VMA21: variants seen among roughly 807,000 people sequenced by gnomAD.
VMA21 encodes the protein vacuolar ATPase assembly integral membrane protein VMA21.
For missense variants in VMA21, 61 were observed against 80.6 expected, an observed-to-expected ratio of 0.76 and a Z score of 0.93; for synonymous variants, 47 against 34.1, an observed-to-expected ratio of 1.38 and a Z score of -1.32.
chrX:151,397,934 G>A (rs2011206813), intron 1 of VMA21, among the ~76,000 whole-genome samples: 1 of 111,523 alleles, frequency 9.0e-6, no homozygotes, highest in Non-Finnish European at 1.9e-5. Context: ...CCTACTGTAT[G>A]CCAGGCTCAG....
At chrX:151,396,789 A>T, upstream of VMA21, 1 of 472,241 alleles carries the variant, frequency 2.1e-6, no homozygotes, top group African/African-American at 2.4e-5. Context: ...GAATACGCTC[A>T]GTTGCCTAGC....
rs949128026 is a variant in VMA21 at position 151,400,840 on chromosome X, GTCTT to G, written c.54-2789_54-2786del. Reference sequence around the variant, plus strand: ...TCATTTATCTCTTGGCCATTTTTATGTCTTTGGAGAAATGTCTGTCCAGCTGTTG... The same window carrying G: ...TCATTTATCTCTTGGCCATTTTTATGTGGAGAAATGTCTGTCCAGCTGTTG... On this transcript the variant is annotated intron_variant, in intron 1 of 2. Coordinates refer to ENST00000330374, the MANE Select transcript of VMA21 (RefSeq NM_001017980.4). 3.6e-5 allele frequency among the ~76,000 whole-genome samples: 4 copies of G among 112,306 alleles called. No individual in the cohort carries two copies. In the Admixed American group the frequency reaches 3.8e-4, roughly 11 times the overall value.
chrX:151,398,658 G>A (rs750029857), intron 1 of VMA21, among the ~76,000 whole-genome samples: 48 of 111,073 alleles, frequency 4.3e-4, no homozygotes, highest in Non-Finnish European at 8.3e-4. Flanking sequence ...TACACTTACA[G>A]CATAGTCCTT....
At chrX:151,396,737 T>C (rs1320268682), upstream of VMA21, 2 of 430,788 alleles carry the variant, frequency 4.6e-6, no homozygotes, top group African/African-American at 5.0e-5. Flanking sequence ...GCTCAAGTAG[T>C]GGCGAAATAA....
chrX:151,398,260 C>G (rs2011209911), intron 1 of VMA21, among the ~76,000 whole-genome samples: 1 of 104,254 alleles, frequency 9.6e-6, no homozygotes, highest in African/African-American at 3.6e-5. Context: ...AACTGCATGT[C>G]ACGGGGGCTT....
At chrX:151,402,559 A>G (rs1004223397) in intron 1 of VMA21, among the ~76,000 whole-genome samples, 2 of 112,912 alleles carry the variant, frequency 1.8e-5, no homozygotes, top group East Asian at 5.6e-4. Flanking sequence ...GTTGTCCTGT[A>G]GTTTTCTTGC....
rs1174836664 is a variant in VMA21, at chrX:151,408,400, G to A, written c.*3342G>A. On this transcript the variant is annotated 3_prime_UTR_variant, in exon 3 of 3. Transcript: ENST00000330374. The stretch of plus-strand genomic sequence containing the variant: ...AAGTACATAAAAAGGATTTAAATCC[G>A]ATTTTAGATGTACCTAGTGTGTATT... 8.9e-6 allele frequency: 1 copy of A among 112,081 alleles called. No individual in the cohort carries two copies. Among genetic ancestry groups the A allele is most frequent in the African/African-American group, 3.2e-5 (1 of 30,893 alleles). 9.2% of individuals were successfully genotyped at this position (112,081 alleles called of 1,213,427 possible). A position where few individuals can be genotyped will look rare whatever the true frequency, so the allele number is the denominator to read the frequency against.
chrX:151,399,456 C>CTT (rs1278020126), intron 1 of VMA21, among the ~76,000 whole-genome samples: 3 of 112,193 alleles, frequency 2.7e-5, no homozygotes, highest in African/African-American at 9.7e-5. Context: ...CTTTCTGTTC[C>CTT]TTTAACAAGT....
At chrX:151,397,448 G>A in intron 1 of VMA21, 87 bp downstream of exon 1, 1 of 1,055,504 alleles carries the variant, frequency 9.5e-7, no homozygotes, top group Non-Finnish European at 1.3e-6. Context: ...GAATGGGTGG[G>A]CGTGAGGTCT....
At chrX:151,398,527 T>C (rs2011212778) in intron 1 of VMA21, among the ~76,000 whole-genome samples, 1 of 111,753 alleles carries the variant, frequency 8.9e-6, no homozygotes, top group African/African-American at 3.3e-5. Flanking sequence ...CATGATCTCA[T>C]TCTTTTTTAT....
In VMA21 at chrX:151,401,216, A is replaced by T. The variant is rs2011234350; in HGVS notation, c.54-2415A>T. On this transcript the variant is annotated intron_variant, in intron 1 of 2. Coordinates refer to ENST00000330374, the MANE Select transcript of VMA21 (RefSeq NM_001017980.4). ...TTGGGTTGATTTTTGTTTATGGTGT[A>T]AGAGTCCAGTTTTTTTCTTTGCATG... Among the ~76,000 whole-genome samples, 4 of 111,562 alleles carry T rather than the reference A, an allele frequency of 3.6e-5. No individual in the cohort carries two copies. The South Asian group carries it at 1.5e-3, about 42-fold the overall frequency.
At chrX:151,403,468 C>T (rs1348085889) in intron 1 of VMA21, among the ~76,000 whole-genome samples, 163 bp from the exon 2 acceptor site, 1 of 112,832 alleles carries the variant, frequency 8.9e-6, no homozygotes, top group Non-Finnish European at 1.9e-5. Context: ...GAAATTCCCA[C>T]TACCCACAGC....
intron 2 of VMA21, 73 bp from the exon 3 acceptor site, chrX:151,404,843 A>T: frequency 9.1e-7 from 1 of 1,097,217 alleles, no homozygotes; most frequent in Non-Finnish European, 1.2e-6. Context: ...AAAAATTAGG[A>T]TGCTTTGTTT....
At chrX:151,404,077 T>A (rs1338040249) in intron 2 of VMA21, among the ~76,000 whole-genome samples, 1 of 21,678 alleles carries the variant, frequency 4.6e-5, no homozygotes, top group Non-Finnish European at 6.4e-5. Context: ...GATGTTGAAA[T>A]TTTTTTTTTT....
At chrX:151,398,265 G>T (rs1165836724) in intron 1 of VMA21, among the ~76,000 whole-genome samples, 1 of 106,768 alleles carries the variant, frequency 9.4e-6, no homozygotes, top group Admixed American at 1.0e-4. Flanking sequence ...CATGTCACGG[G>T]GGCTTGGCGT....
chrX:151,399,701 A>T (rs1293512354), intron 1 of VMA21, among the ~76,000 whole-genome samples: 2 of 111,763 alleles, frequency 1.8e-5, no homozygotes, highest in African/African-American at 6.5e-5. Flanking sequence ...ATTAAATGAG[A>T]GTTGTATAGC....
At chrX:151,397,094 AGCCCTGCGTCGCTGCGGCGCGCCG>A (rs1294131661), upstream of VMA21, 3 of 366,229 alleles carry the variant, frequency 8.2e-6, no homozygotes, top group Non-Finnish European at 1.4e-5. Flanking sequence ...CGCCGGCAAC[AGCCCTGCGTCGCTGCGGCGCGCCG>A]CGCCGCGCCG....
At position 151,407,442 on chromosome X, in the gene VMA21, A is replaced by G. The variant is rs942244203; in HGVS notation, c.*2384A>G. On this transcript the variant is annotated 3_prime_UTR_variant, in exon 3 of 3. Coordinates refer to ENST00000330374, the MANE Select transcript of VMA21 (RefSeq NM_001017980.4). ...ATAGATTTATTTTTCAAAATGTCTC[A>G]CTAGTTTCCTTTTACACAATGTATA... The G allele has an allele frequency of 5.3e-5, 6 of 112,981 alleles. No homozygotes were observed. The highest frequency in any genetic ancestry group is 2.8e-4 in the East Asian group (1 of 3,631). The allele number at this position is 112,981 out of a possible 1,213,427, so 9.3% of individuals were successfully genotyped here.
upstream of VMA21, chrX:151,396,663 C>T (rs1329683517): frequency 2.5e-6 from 1 of 395,844 alleles, no homozygotes; most frequent in African/African-American, 2.5e-5. Context: ...TGTTTTAACT[C>T]CTCCCAGCTG....
Sources: allele counts gnomAD v4.1 joint callset (sites outside exome capture counted in the v4.1 genomes callset), GRCh38; gene constraint gnomAD v4.1.1; transcripts MANE v1.5; gene names NCBI Gene and HGNC (gene_info 2026-07-23, HGNC 2026-07-21).